Variants in CRTC1 observed in about 807,000 individuals in gnomAD.
CRTC1 encodes CREB-regulated transcription coactivator 1.
A neutral mutation model predicts 66.1 loss-of-function variants in CRTC1; 18 were observed. The observed-to-expected ratio is 0.27, with a 90% CI of 0.19 to 0.40. The LOEUF is 0.40. Ranked by LOEUF, CRTC1 falls within the 10% of genes least tolerant of loss-of-function variation. CRTC1 has a pLI of 1.00. For synonymous variants in CRTC1, 416 were observed against 398.8 expected (o/e 1.04, Z -0.51); for missense variants, 669 against 887.9 (o/e 0.75, Z 3.13).
intron 1 of CRTC1, among the ~76,000 whole-genome samples, chr19:18,704,984 C>A (rs911661414): frequency 4.8e-5 from 7 of 146,210 alleles, no homozygotes; most frequent in Non-Finnish European, 4.5e-5. Flanking sequence ...CTATTTTCCA[C>A]CTCTATGAGT....
At chr19:18,758,700 G>A (rs2054547723) in intron 6 of CRTC1, among the ~76,000 whole-genome samples, 1 of 152,216 alleles carries the variant, frequency 6.6e-6, no homozygotes, top group Non-Finnish European at 1.5e-5. Context: ...CCAAGACAGG[G>A]GCAGTGACCT....
intron 11 of CRTC1, among the ~76,000 whole-genome samples, chr19:18,774,569 G>A (rs2054940734): frequency 6.6e-6 from 1 of 152,204 alleles, no homozygotes; most frequent in Admixed American, 6.5e-5. Flanking sequence ...TCTCCTCTGG[G>A]GCCTGTTGGG....
intron 1 of CRTC1, among the ~76,000 whole-genome samples, chr19:18,686,596 G>A (rs1453740811): frequency 6.6e-6 from 1 of 152,214 alleles, no homozygotes; most frequent in Non-Finnish European, 1.5e-5. Context: ...GCAGTGAGCT[G>A]AGATTGTGTC....
At chr19:18,739,127 G>A (rs1021772820) in intron 1 of CRTC1, among the ~76,000 whole-genome samples, 2 of 152,358 alleles carry the variant, frequency 1.3e-5, no homozygotes, top group African/African-American at 4.8e-5. Flanking sequence ...CGCCCTGGGA[G>A]CTGCAGTTTT....
chr19:18,782,089 G>T lies in CRTC1; in HGVS notation c.*4707G>T. 4.5e-6 allele frequency: 1 copy of T among 224,356 alleles called. No homozygotes were observed. Among genetic ancestry groups the T allele is most frequent in the South Asian group, 1.8e-4 (1 of 5,446 alleles). 13.9% of individuals were successfully genotyped at this position (224,356 alleles called of 1,614,324 possible). ...TGGCCCCACTGATATATGCAAACCC[G>T]CCGGTCCGAGCCCTGTTCCTGCCTG... On this transcript the variant is annotated 3_prime_UTR_variant, in exon 14 of 14. Transcript: ENST00000321949.
intron 1 of CRTC1, among the ~76,000 whole-genome samples, chr19:18,693,089 A>AG (rs1168833121): frequency 1.8e-4 from 26 of 148,028 alleles, no homozygotes; most frequent in African/African-American, 6.3e-4. Flanking sequence ...AAAAAAAAAA[A>AG]AAAAAGAAAT....
At chr19:18,775,356 C>T (rs978905515) in intron 12 of CRTC1, among the ~76,000 whole-genome samples, 1 of 152,212 alleles carries the variant, frequency 6.6e-6, no homozygotes, top group South Asian at 2.1e-4. Flanking sequence ...GCTGGCTTTG[C>T]GTGGAGGCCA....
At chr19:18,727,685 C>G (rs933969135) in intron 1 of CRTC1, among the ~76,000 whole-genome samples, 2 of 151,582 alleles carry the variant, frequency 1.3e-5, no homozygotes, top group African/African-American at 2.4e-5. Context: ...GGATGGTCAG[C>G]AGCCGCAACA....
chr19:18,745,723 G>C, intron 2 of CRTC1, 100 bp from the exon 3 acceptor site: 2 of 1,475,758 alleles, frequency 1.4e-6, no homozygotes, highest in South Asian at 1.1e-5. Flanking sequence ...GCTCCAGAGT[G>C]GGGGGCCCTG....
chr19:18,755,259 G>C (rs2054458120), intron 6 of CRTC1, among the ~76,000 whole-genome samples: 1 of 151,658 alleles, frequency 6.6e-6, no homozygotes, highest in Non-Finnish European at 1.5e-5. Flanking sequence ...AAAGTGCTGG[G>C]ATGACAGGCT....
intron 6 of CRTC1, among the ~76,000 whole-genome samples, chr19:18,758,914 AGCTCTAGG>A (rs2054551826): frequency 6.6e-6 from 1 of 152,216 alleles, no homozygotes; most frequent in African/African-American, 2.4e-5. Context: ...GGTTGGGGAC[AGCTCTAGG>A]GACACTTAGC....
chr19:18,685,705 G>GT (rs2052670488), intron 1 of CRTC1, among the ~76,000 whole-genome samples: 1 of 152,176 alleles, frequency 6.6e-6, no homozygotes, highest in East Asian at 1.9e-4. Context: ...ATCCTTCCAC[G>GT]TGAGTGTCCC....
Position 18,768,939 on chromosome 19 carries a change from C to A in CRTC1, c.1320+146C>A. On this transcript the variant is annotated intron_variant, in intron 10 of 13. Transcript: ENST00000321949. The surrounding 1 kb of genome is among the most constrained non-coding windows in gnomAD (Gnocchi z 5.6). ...TGCCTGGGCCCACCTCTCCACGGGG[C>A]TACCCCTTGGAATCAAACTGAGACT... 1 of 1,042,868 alleles carries A rather than the reference C, an allele frequency of 9.6e-7. No individual in the cohort carries two copies. The highest frequency in any genetic ancestry group is 1.4e-6 in the Non-Finnish European group (1 of 738,918). The allele number at this position is 1,042,868 out of a possible 1,614,324, so 64.6% of individuals were successfully genotyped here.
chr19:18,725,516 C>T (rs2053729258), intron 1 of CRTC1, among the ~76,000 whole-genome samples: 1 of 107,452 alleles, frequency 9.3e-6, no homozygotes, highest in Non-Finnish European at 1.9e-5. Flanking sequence ...CGTCCCCACA[C>T]ACGGGCCCCT....
chr19:18,774,043 C>T (rs2054929242), intron 11 of CRTC1, among the ~76,000 whole-genome samples: 1 of 152,210 alleles, frequency 6.6e-6, no homozygotes. Context: ...CTGAGAATGG[C>T]TGTGGGGCAG....
chr19:18,746,939 T>G (rs1211124862), intron 3 of CRTC1, 114 bp from the exon 4 acceptor site: 10 of 897,756 alleles, frequency 1.1e-5, no homozygotes, highest in Non-Finnish European at 1.8e-5. Context: ...CCCAGCTGTT[T>G]GCAGGCCTCA....
chr19:18,763,910 G>A lies in CRTC1; in HGVS notation c.887-1494G>A, dbSNP rs564155843. ...GAAGATGAGGGAGTGGCCCAGGGTC[G>A]TGACTCTGAGTGTGCTCTGAGCAGG... On this transcript the variant is annotated intron_variant, in intron 8 of 13. Coordinates refer to ENST00000321949, the MANE Select transcript of CRTC1 (RefSeq NM_015321.3). Among the ~76,000 whole-genome samples, 6 of 152,308 alleles carry A rather than the reference G, an allele frequency of 3.9e-5. No individual in the cohort carries two copies. The East Asian group carries it at 7.7e-4, about 20-fold the overall frequency.
At chr19:18,700,865 TTCTC>T (rs1220874582) in intron 1 of CRTC1, among the ~76,000 whole-genome samples, 3 of 152,214 alleles carry the variant, frequency 2.0e-5, no homozygotes, top group Admixed American at 6.5e-5. Flanking sequence ...CAGCGTCTCT[TTCTC>T]AAGTGACTGA....
At position 18,777,370 on chromosome 19, in the gene CRTC1, G is replaced by A. The variant is rs866783118; in HGVS notation, c.1893G>A (p.Met631Ile). The A allele has an allele frequency of 1.2e-6, 2 of 1,603,580 alleles. No homozygotes were observed. Among genetic ancestry groups the A allele is most frequent in the Middle Eastern group, 1.6e-4 (1 of 6,062 alleles). The change falls in exon 14 of 14, where the codon ATG (methionine) becomes ATA (isoleucine). Residue 631 changes from methionine (M) to isoleucine (I), a missense_variant. Coordinates refer to ENST00000321949, the MANE Select transcript of CRTC1 (RefSeq NM_015321.3). The surrounding 1 kb of genome is among the most constrained non-coding windows in gnomAD (Gnocchi z 5.5). Reference sequence around the variant, plus strand: ...CAGCCACCGAGGACACCTTCCGGATGGACCGCCTGTGAGCGGGCACGCCGG... The same window carrying A: ...CAGCCACCGAGGACACCTTCCGGATAGACCGCCTGTGAGCGGGCACGCCGG... ...ADPATEDTFR[M>I]DRL
Sources: allele counts gnomAD v4.1 joint callset (sites outside exome capture counted in the v4.1 genomes callset), GRCh38; gene constraint gnomAD v4.1.1; non-coding constraint Gnocchi (gnomAD v3.1); transcripts MANE v1.5; gene names NCBI Gene and HGNC (gene_info 2026-07-23, HGNC 2026-07-21).